The following SNTG1 variants were observed in gnomAD, a reference collection of about 807,000 sequenced individuals.
SNTG1 encodes the protein gamma-1-syntrophin.
A neutral mutation model predicts 74.7 loss-of-function variants in SNTG1; 39 were observed. The ratio of observed to expected loss-of-function variants is 0.52; its 90% confidence interval spans 0.40 to 0.68. The LOEUF (loss-of-function observed/expected upper bound fraction) is 0.68, where lower values mean the gene tolerates loss of function less well. Ranked by LOEUF, SNTG1 falls within the 30% of genes least tolerant of loss-of-function variation. The probability of loss-of-function intolerance (pLI) is 0.00; values close to 1 mark genes in which losing one functional copy is unlikely to be tolerated. For missense variants in SNTG1, 685 were observed against 609.5 expected, an observed-to-expected ratio of 1.12 and a Z score of -1.30; for synonymous variants, 254 against 217.1, an observed-to-expected ratio of 1.17 and a Z score of -1.49.
chr8:50,036,418 T>C (rs1056735913), intron 1 of SNTG1, among the ~76,000 whole-genome samples: 1 of 152,178 alleles, frequency 6.6e-6, no homozygotes, highest in Non-Finnish European at 1.5e-5. Flanking sequence ...AGTTCCTGCT[T>C]GGTTATTCAC....
chr8:50,013,208 C>T (rs1261175158), intron 1 of SNTG1, among the ~76,000 whole-genome samples: 1 of 151,998 alleles, frequency 6.6e-6, no homozygotes, highest in Non-Finnish European at 1.5e-5. Context: ...TTCATAGAAA[C>T]AGTACTATTC....
At chr8:50,511,218 G>C (rs959451144) in intron 9 of SNTG1, among the ~76,000 whole-genome samples, 1 of 152,176 alleles carries the variant, frequency 6.6e-6, no homozygotes, top group Non-Finnish European at 1.5e-5. Flanking sequence ...CCATGTAGTT[G>C]AGCGGTTTTG....
intron 1 of SNTG1, among the ~76,000 whole-genome samples, chr8:49,920,811 T>C (rs536234346): frequency 4.6e-5 from 7 of 152,098 alleles, no homozygotes; most frequent in Non-Finnish European, 8.8e-5. Context: ...TGATGAGAGC[T>C]GGACCTAATT....
chr8:50,196,816 CA>C (rs964688672), intron 2 of SNTG1, among the ~76,000 whole-genome samples: 1 of 144,760 alleles, frequency 6.9e-6, no homozygotes, highest in Non-Finnish European at 1.5e-5. Flanking sequence ...AAAAAAAAAA[CA>C]AAAAAAACCC....
intron 15 of SNTG1, among the ~76,000 whole-genome samples, chr8:50,684,425 T>C (rs191370265): frequency 2.3e-4 from 35 of 152,308 alleles, no homozygotes; most frequent in African/African-American, 7.7e-4. Context: ...GTTTTGTGTG[T>C]CTCTTGTTTG....
chr8:50,172,786 A>AT (rs1554596041), intron 2 of SNTG1, among the ~76,000 whole-genome samples, 151 bp downstream of exon 2: 1 of 141,832 alleles, frequency 7.1e-6, no homozygotes, highest in Non-Finnish European at 1.6e-5. Context: ...CAAAAAAAAA[A>AT]AACAAAACCT....
rs1192247620 is a variant in SNTG1 at position 50,481,358 on chromosome 8, G to A, written c.364-21420G>A. On this transcript the variant is annotated intron_variant, in intron 8 of 18. Coordinates refer to ENST00000642720, the MANE Select transcript of SNTG1 (RefSeq NM_018967.5). Reference sequence around the variant, plus strand: ...ATCACGCCATTGCACTCCAGCATGGGCGACAGAGTGAGACTCCATCTCAAA... The same window carrying A: ...ATCACGCCATTGCACTCCAGCATGGACGACAGAGTGAGACTCCATCTCAAA... Among the ~76,000 whole-genome samples, 3 of 152,138 alleles carry A rather than the reference G, an allele frequency of 2.0e-5. No homozygotes were observed. The East Asian group carries it at 5.8e-4, about 29-fold the overall frequency.
intron 15 of SNTG1, among the ~76,000 whole-genome samples, chr8:50,700,191 T>C (rs1169031757): frequency 6.6e-6 from 1 of 152,216 alleles, no homozygotes; most frequent in Non-Finnish European, 1.5e-5. Flanking sequence ...ATTATACTAA[T>C]ACTTCTAGTC....
intron 18 of SNTG1, among the ~76,000 whole-genome samples, chr8:50,776,508 A>G (rs1306748625): frequency 6.8e-6 from 1 of 147,724 alleles, no homozygotes; most frequent in Non-Finnish European, 1.5e-5. Flanking sequence ...ATATAGATAT[A>G]TTATGTCTTA....
intron 12 of SNTG1, among the ~76,000 whole-genome samples, chr8:50,580,335 G>T (rs1235629634): frequency 6.6e-6 from 1 of 152,166 alleles, no homozygotes; most frequent in Non-Finnish European, 1.5e-5. Context: ...GACTTGCCTT[G>T]TCTCAGATGA....
At chr8:50,280,985 CAAAAAAAAAAA>C (rs35973666) in intron 2 of SNTG1, among the ~76,000 whole-genome samples, 2 of 75,462 alleles carry the variant, frequency 2.7e-5, no homozygotes, top group East Asian at 8.8e-4. Context: ...AACCCAGTCT[CAAAAAAAAAAA>C]AAAAAAAAAA....
chr8:49,915,441 C>A (rs1449158531), intron 1 of SNTG1, among the ~76,000 whole-genome samples: 1 of 152,084 alleles, frequency 6.6e-6, no homozygotes, highest in Non-Finnish European at 1.5e-5. Context: ...ATAATACTTC[C>A]CTGATACTTC....
At chr8:49,924,435 T>G (rs1585519231) in intron 1 of SNTG1, among the ~76,000 whole-genome samples, 1 of 152,278 alleles carries the variant, frequency 6.6e-6, no homozygotes, top group East Asian at 1.9e-4. Context: ...AGTATTACTA[T>G]GCCACCTCAG....
At chr8:50,183,323 C>T (rs1030261136) in intron 2 of SNTG1, among the ~76,000 whole-genome samples, 1 of 152,072 alleles carries the variant, frequency 6.6e-6, no homozygotes, top group Admixed American at 6.6e-5. Flanking sequence ...TGCTATGCTG[C>T]TTCCCTCTCA....
At chr8:50,024,738 T>C (rs1817116378) in intron 1 of SNTG1, among the ~76,000 whole-genome samples, 1 of 152,130 alleles carries the variant, frequency 6.6e-6, no homozygotes, top group Non-Finnish European at 1.5e-5. Flanking sequence ...ACGTTGTCTC[T>C]CTCTCGAGAT....
chr8:50,447,071 G>A (rs1348603162), intron 5 of SNTG1, among the ~76,000 whole-genome samples: 1 of 152,070 alleles, frequency 6.6e-6, no homozygotes, highest in East Asian at 1.9e-4. Flanking sequence ...ACTGTACCCT[G>A]GATAACTGAA....
intron 1 of SNTG1, among the ~76,000 whole-genome samples, chr8:50,151,117 A>C (rs955775907): frequency 3.3e-5 from 5 of 152,092 alleles, no homozygotes; most frequent in Non-Finnish European, 7.4e-5. Context: ...CAGGGATTCA[A>C]CTTCTTCCTG....
chr8:50,562,113 A>G (rs1466685851), intron 12 of SNTG1, among the ~76,000 whole-genome samples: 1 of 152,250 alleles, frequency 6.6e-6, no homozygotes, highest in African/African-American at 2.4e-5. Context: ...TATTTTGTCA[A>G]TAATTCAAAA....
intron 13 of SNTG1, among the ~76,000 whole-genome samples, chr8:50,621,284 T>G (rs1445094393): frequency 6.6e-6 from 1 of 152,154 alleles, no homozygotes; most frequent in Admixed American, 6.5e-5. Flanking sequence ...ATAGGCAAGA[T>G]AAACAGATTA....
Sources: allele counts gnomAD v4.1 joint callset (sites outside exome capture counted in the v4.1 genomes callset), GRCh38; gene constraint gnomAD v4.1.1; transcripts MANE v1.5; gene names NCBI Gene and HGNC (gene_info 2026-07-23, HGNC 2026-07-21).